NME7: variants seen among roughly 807,000 people sequenced by gnomAD.
NME7 encodes nucleoside diphosphate kinase 7.
In NME7, 41 loss-of-function variants were observed where a neutral mutation model predicts 49.1. That is an observed-to-expected ratio of 0.83 (90% CI 0.65 to 1.08). NME7 has a LOEUF of 1.08. Ranked by LOEUF, NME7 falls within the 50% of genes least tolerant of loss-of-function variation. NME7 has a pLI of 0.00. For missense variants in NME7, 423 were observed against 463.4 expected (o/e 0.91, Z 0.80); for synonymous variants, 139 against 150.6 (o/e 0.92, Z 0.56).
chr1:169,250,928 A>C (rs1648545168), intron 7 of NME7, among the ~76,000 whole-genome samples: 1 of 152,096 alleles, frequency 6.6e-6, no homozygotes, highest in South Asian at 2.1e-4. Flanking sequence ...CTGTGTGCTG[A>C]TTAAAAGAAT....
intron 3 of NME7, among the ~76,000 whole-genome samples, chr1:169,311,674 C>A (rs1428277331): frequency 6.6e-6 from 1 of 152,082 alleles, no homozygotes; most frequent in Admixed American, 6.5e-5. Context: ...TCCAGACTAA[C>A]CTATAAACTG....
intron 10 of NME7, among the ~76,000 whole-genome samples, chr1:169,230,231 C>T (rs1647549423): frequency 6.6e-6 from 1 of 151,982 alleles, no homozygotes; most frequent in Non-Finnish European, 1.5e-5. Context: ...TGTTAAATGT[C>T]CAAGAAAAAG....
intron 10 of NME7, among the ~76,000 whole-genome samples, chr1:169,189,869 T>C (rs78378333): frequency 2.0e-3 from 308 of 152,294 alleles, no homozygotes; most frequent in African/African-American, 6.8e-3. Context: ...ATGCTGTTCA[T>C]TGCAATGCCT....
At chr1:169,212,759 CCA>C (rs1328556928) in intron 10 of NME7, among the ~76,000 whole-genome samples, 1 of 151,914 alleles carries the variant, frequency 6.6e-6, no homozygotes, top group Non-Finnish European at 1.5e-5. Flanking sequence ...CAGGCACAGG[CCA>C]TCATGCCCAG....
intron 2 of NME7, among the ~76,000 whole-genome samples, chr1:169,323,835 C>CTTTTT (rs33970981): frequency 4.7e-5 from 4 of 84,258 alleles, no homozygotes; most frequent in Admixed American, 1.6e-4. Flanking sequence ...CCATTTCAGT[C>CTTTTT]TTTTTTTTTT....
intron 10 of NME7, among the ~76,000 whole-genome samples, chr1:169,190,961 C>T (rs1660208763): frequency 8.8e-6 from 1 of 114,272 alleles, no homozygotes; most frequent in Non-Finnish European, 1.9e-5. Context: ...TACAGGCGCC[C>T]GCCACTACGC....
chr1:169,327,002 A>T (rs1287866027), intron 1 of NME7, among the ~76,000 whole-genome samples: 1 of 152,214 alleles, frequency 6.6e-6, no homozygotes, highest in Non-Finnish European at 1.5e-5. Flanking sequence ...CACTTTATGG[A>T]TAAAGAAACT....
intron 5 of NME7, among the ~76,000 whole-genome samples, chr1:169,299,371 G>T (rs374435120): frequency 6.6e-6 from 1 of 151,972 alleles, no homozygotes; most frequent in African/African-American, 2.4e-5. Flanking sequence ...TGTACGCATC[G>T]GTTCTTGACT....
At chr1:169,364,687 C>A (rs2101993717) in intron 1 of NME7, among the ~76,000 whole-genome samples, 1 of 152,340 alleles carries the variant, frequency 6.6e-6, no homozygotes, top group Non-Finnish European at 1.5e-5. Flanking sequence ...TCTAACCTCA[C>A]AAAGCTAACT....
chr1:169,246,885 A>G (rs1455074485), intron 7 of NME7: 2 of 339,024 alleles, frequency 5.9e-6, no homozygotes, highest in Non-Finnish European at 1.1e-5. Context: ...GGTCCAGTAT[A>G]ACAACACCTT....
chr1:169,149,912 C>G (rs939579194), intron 11 of NME7, among the ~76,000 whole-genome samples: 2 of 152,178 alleles, frequency 1.3e-5, no homozygotes, highest in Admixed American at 1.3e-4. Context: ...TTATTGAATT[C>G]GGATTATACA....
intron 11 of NME7, among the ~76,000 whole-genome samples, chr1:169,164,512 T>A (rs1659347484): frequency 6.6e-6 from 1 of 152,160 alleles, no homozygotes; most frequent in Non-Finnish European, 1.5e-5. Context: ...TTTTACAGAG[T>A]GAGGAAACCT....
intron 6 of NME7, among the ~76,000 whole-genome samples, chr1:169,291,337 T>C (rs1220123145): frequency 2.0e-5 from 3 of 151,964 alleles, no homozygotes; most frequent in Non-Finnish European, 1.5e-5. Flanking sequence ...ACCATAAAAA[T>C]GGATGAGTTC....
At chr1:169,367,613 G>T in intron 1 of NME7, 95 bp downstream of exon 1, 5 of 1,396,934 alleles carry the variant, frequency 3.6e-6, no homozygotes, top group Non-Finnish European at 5.1e-6. Flanking sequence ...AGGTCGGGAG[G>T]ACCGGACAAC....
rs564205224 is a variant in NME7, at chr1:169,338,697, AAC to A, written c.4-14199_4-14198del. Among the ~76,000 whole-genome samples the A allele has an allele frequency of 1.1e-4, 16 of 152,340 alleles. No individual in the cohort carries two copies. The South Asian group carries it at 2.9e-3, about 28-fold the overall frequency. On this transcript the variant is annotated intron_variant, in intron 1 of 11. Coordinates refer to ENST00000367811, the MANE Select transcript of NME7 (RefSeq NM_013330.5). ...ACTTTCCTTTAGACATCTCAAAGAA[AAC>A]ACAGTTATTATGAAGTCTTCCCAGA...
chr1:169,227,426 A>C (rs1002973806), intron 10 of NME7, among the ~76,000 whole-genome samples: 2 of 152,196 alleles, frequency 1.3e-5, no homozygotes, highest in African/African-American at 4.8e-5. Flanking sequence ...CTTTTGCTAC[A>C]ATATCTGAGA....
rs371453517 is a variant in NME7, at chr1:169,341,663, C to T, written c.4-17163G>A. ...CCATGGGGACTGTCCCCTACAGATC[C>T]ACAGGGAAGGAGCTGCCAATGCCCT... is the stretch of plus-strand genomic sequence containing the variant. On this transcript the variant is annotated intron_variant, in intron 1 of 11. Transcript: ENST00000367811. 7.2e-5 allele frequency among the ~76,000 whole-genome samples: 11 copies of T among 152,280 alleles called. No individual in the cohort carries two copies. In the South Asian group the frequency reaches 1.9e-3, roughly 26 times the overall value.
At position 169,325,761 on chromosome 1, in the gene NME7, C is replaced by T. The variant is rs528327629; in HGVS notation, c.4-1261G>A. On this transcript the variant is annotated intron_variant, in intron 1 of 11. Coordinates refer to ENST00000367811, the MANE Select transcript of NME7 (RefSeq NM_013330.5). Reference sequence around the variant, plus strand: ...ATGATGTTTATAATATATCCATAAACTATAACGTAGATGACACTTTTATTT... The same window carrying T: ...ATGATGTTTATAATATATCCATAAATTATAACGTAGATGACACTTTTATTT... 6.6e-5 allele frequency among the ~76,000 whole-genome samples: 10 copies of T among 152,202 alleles called. No individual in the cohort carries two copies. In the South Asian group the frequency reaches 1.9e-3, roughly 28 times the overall value.
intron 11 of NME7, among the ~76,000 whole-genome samples, chr1:169,155,697 C>A (rs1353643921): frequency 6.6e-6 from 1 of 150,776 alleles, no homozygotes; most frequent in Non-Finnish European, 1.5e-5. Flanking sequence ...CTAATGTCTT[C>A]ATTTGTTAAA....
Sources: gnomAD v4.1 joint callset for allele counts (sites outside exome capture counted in the v4.1 genomes callset) on GRCh38, gnomAD v4.1.1 for gene constraint, MANE v1.5 for transcripts, NCBI Gene and HGNC (gene_info 2026-07-23, HGNC 2026-07-21) for gene names.